HOTAIR: variants seen among roughly 807,000 people sequenced by gnomAD.
The protein encoded by HOTAIR is HOX transcript antisense RNA.
chr12:53,964,154 G>A (rs1939007350), intron 6 of HOTAIR: 1 of 151,922 alleles, frequency 6.6e-6, no homozygotes, highest in Non-Finnish European at 1.5e-5. Context: ...AATGCCCCCT[G>A]GTTATCTCTT....
In HOTAIR at chr12:53,973,334, C is replaced by T; in HGVS notation, n.59+1564G>A. 1.2e-6 allele frequency: 2 copies of T among 1,614,134 alleles called. No individual in the cohort carries two copies. The highest frequency in any genetic ancestry group is 1.7e-6 in the Non-Finnish European group (2 of 1,180,014). ...GCGAGCGAGGGAGCTGCGCCTCCAA[C>T]CTCTATCTGCCCAGTTGCACTTACT... On this transcript the variant is annotated intron_variant and non_coding_transcript_variant, in intron 1 of 6. Transcript: ENST00000424518. The surrounding 1 kb of genome is among the most constrained non-coding windows in gnomAD (Gnocchi z 4.3).
Position 53,973,420 on chromosome 12 carries a change from C to T in HOTAIR, n.59+1478G>A, listed in dbSNP as rs1565714101. 1 of 1,614,114 alleles carries T rather than the reference C, an allele frequency of 6.2e-7. No homozygotes were observed. Among genetic ancestry groups the T allele is most frequent in the Admixed American group, 1.7e-5 (1 of 60,016 alleles). On this transcript the variant is annotated intron_variant and non_coding_transcript_variant, in intron 1 of 6. Transcript: ENST00000424518. This position sits in a 1 kb window ranked among gnomAD's most constrained non-coding sequence, Gnocchi z 4.3. ...CCCCAGGCCCCCTCTCGTCAGATCT[C>T]CTATCCCTACTCGGCCCAAGTGCCC...
At chr12:53,962,488 A>G (rs1352909321) in exon 7 of HOTAIR, 1 of 152,268 alleles carries the variant, frequency 6.6e-6, no homozygotes, top group Non-Finnish European at 1.5e-5. Flanking sequence ...TTAAAACTGC[A>G]TGGAAAATAC....
intron 1 of HOTAIR, among the ~76,000 whole-genome samples, chr12:53,971,470 A>AT (rs1340290318): frequency 1.3e-5 from 2 of 152,226 alleles, no homozygotes; most frequent in African/African-American, 4.8e-5. Context: ...ACAAGCTACA[A>AT]TTTTTTGTGT....
Position 53,973,946 on chromosome 12 carries a change from CG to C in HOTAIR, n.59+951del. The C allele has an allele frequency of 7.0e-7, 1 of 1,427,876 alleles. No homozygotes were observed. Among genetic ancestry groups the C allele is most frequent in the Non-Finnish European group, 9.2e-7 (1 of 1,088,864 alleles). The allele number at this position is 1,427,876 out of a possible 1,614,324, so 88.5% of individuals were successfully genotyped here. A position where few individuals can be genotyped will look rare whatever the true frequency, so the allele number is the denominator to read the frequency against. On this transcript the variant is annotated intron_variant and non_coding_transcript_variant, in intron 1 of 6. Coordinates refer to ENST00000424518, the Ensembl canonical transcript of HOTAIR. The surrounding 1 kb of genome is among the most constrained non-coding windows in gnomAD (Gnocchi z 4.3). ...CCAGTAGGTAGCAGCGGCCGGGGAA[CG>C]GGCGGGCAGCGAGGGAGGGAGCGAG...
intron 1 of HOTAIR, chr12:53,974,066 C>A: frequency 2.1e-6 from 1 of 478,136 alleles, no homozygotes. Context: ...TATAAGCATT[C>A]AAAGGATTTT....
chr12:53,973,268 C>T lies in HOTAIR; in HGVS notation n.59+1630G>A. ...TGTTTAACTCGGTCAACCTGGGCAACTTCTGCTCTCCGTCGCGCAAGGAGA... is the reference window on the plus strand; with the variant it reads ...TGTTTAACTCGGTCAACCTGGGCAATTTCTGCTCTCCGTCGCGCAAGGAGA... On this transcript the variant is annotated intron_variant and non_coding_transcript_variant, in intron 1 of 6. Transcript: ENST00000424518. This position sits in a 1 kb window ranked among gnomAD's most constrained non-coding sequence, Gnocchi z 4.3. 1.2e-6 allele frequency: 2 copies of T among 1,611,480 alleles called. No homozygotes were observed. The highest frequency in any genetic ancestry group is 1.7e-6 in the Non-Finnish European group (2 of 1,179,252).
At chr12:53,965,142 T>C (rs1425704116) in intron 5 of HOTAIR, among the ~76,000 whole-genome samples, 3 of 152,226 alleles carry the variant, frequency 2.0e-5, no homozygotes, top group South Asian at 2.1e-4. Context: ...TATAAATCCC[T>C]AGTTCTCTAA....
chr12:53,964,146 T>A (rs1019744894), intron 6 of HOTAIR: 1 of 152,082 alleles, frequency 6.6e-6, no homozygotes, highest in East Asian at 1.9e-4. Flanking sequence ...AAAATACAAA[T>A]GCCCCCTGGT....
chr12:53,972,684 T>C (rs931714644), intron 1 of HOTAIR, among the ~76,000 whole-genome samples: 2 of 152,182 alleles, frequency 1.3e-5, no homozygotes, highest in African/African-American at 4.8e-5. Context: ...TAAGAGTCCC[T>C]GAGATTTAAG....
At chr12:53,970,465 T>C (rs915161689) in intron 1 of HOTAIR, among the ~76,000 whole-genome samples, 3 of 152,238 alleles carry the variant, frequency 2.0e-5, no homozygotes, top group African/African-American at 7.2e-5. Context: ...CTAGCTGACC[T>C]CAGTGGCCAG....
In HOTAIR at chr12:53,973,485, A is replaced by T. The variant is rs1939185830; in HGVS notation, n.59+1413T>A. On this transcript the variant is annotated intron_variant and non_coding_transcript_variant, in intron 1 of 6. Coordinates refer to ENST00000424518, the Ensembl canonical transcript of HOTAIR. The surrounding 1 kb of genome is among the most constrained non-coding windows in gnomAD (Gnocchi z 4.3). ...CTCCTACGGCCTGGAGCCATCCGGC[A>T]AGTGGCACCATCGGAACAGCTACTC... The T allele has an allele frequency of 1.2e-6, 2 of 1,613,730 alleles. No individual in the cohort carries two copies. The highest frequency in any genetic ancestry group is 1.7e-6 in the Non-Finnish European group (2 of 1,179,964).
chr12:53,971,751 A>G (rs4511324), intron 1 of HOTAIR, among the ~76,000 whole-genome samples: 59,071 of 152,136 alleles, frequency 0.39, 12,148 homozygotes, highest in African/African-American at 0.53. Context: ...GGCCCCTTGG[A>G]CCCAGTCCAG....
At chr12:53,972,041 G>A (rs962307583) in intron 1 of HOTAIR, among the ~76,000 whole-genome samples, 1 of 152,216 alleles carries the variant, frequency 6.6e-6, no homozygotes, top group Non-Finnish European at 1.5e-5. Context: ...CCTTTCCACT[G>A]TCTGGTTAGT....
chr12:53,963,098 C>T (rs1189217352), exon 7 of HOTAIR: 1 of 152,192 alleles, frequency 6.6e-6, no homozygotes, highest in African/African-American at 2.4e-5. Flanking sequence ...GCTGGTTTCA[C>T]TTTTAAAAAT....
chr12:53,971,324 C>T (rs749285802), intron 1 of HOTAIR, among the ~76,000 whole-genome samples: 9 of 152,202 alleles, frequency 5.9e-5, no homozygotes, highest in Admixed American at 2.0e-4. Context: ...AGACCTATCC[C>T]TGAGTATTCC....
intron 3 of HOTAIR, among the ~76,000 whole-genome samples, chr12:53,967,052 C>A (rs1414411812): frequency 6.6e-6 from 1 of 152,196 alleles, no homozygotes; most frequent in East Asian, 1.9e-4. Context: ...CCTCACAGCT[C>A]GTTTTCGCCT....
intron 1 of HOTAIR, among the ~76,000 whole-genome samples, chr12:53,970,228 C>A (rs950676947): frequency 6.6e-6 from 1 of 152,186 alleles, no homozygotes; most frequent in Admixed American, 6.5e-5. Flanking sequence ...GTCACAGGCA[C>A]CCACCAGATA....
chr12:53,973,279 C>T lies in HOTAIR; in HGVS notation n.59+1619G>A, dbSNP rs1378508997. On this transcript the variant is annotated intron_variant and non_coding_transcript_variant, in intron 1 of 6. Coordinates refer to ENST00000424518, the Ensembl canonical transcript of HOTAIR. The surrounding 1 kb of genome is among the most constrained non-coding windows in gnomAD (Gnocchi z 4.3). Reference sequence around the variant, plus strand: ...GTCAACCTGGGCAACTTCTGCTCTCCGTCGCGCAAGGAGAGGGGCGCAGAT... The same window carrying T: ...GTCAACCTGGGCAACTTCTGCTCTCTGTCGCGCAAGGAGAGGGGCGCAGAT... 1.5e-5 allele frequency: 24 copies of T among 1,613,030 alleles called. No individual in the cohort carries two copies. Among genetic ancestry groups the T allele is most frequent in the South Asian group, 2.2e-5 (2 of 91,032 alleles).
Sources: gnomAD v4.1 joint callset for allele counts (sites outside exome capture counted in the v4.1 genomes callset) on GRCh38, gnomAD v4.1.1 for gene constraint, Gnocchi (gnomAD v3.1) non-coding constraint, MANE v1.5 for transcripts, NCBI Gene and HGNC (gene_info 2026-07-23, HGNC 2026-07-21) for gene names.